LAMA2: variants seen among roughly 807,000 people sequenced by gnomAD.
The protein encoded by LAMA2 is laminin subunit alpha 2, also known as laminin subunit alpha-2.
A neutral mutation model predicts 364.8 loss-of-function variants in LAMA2; 269 were observed. That is an observed-to-expected ratio of 0.74 (90% CI 0.67 to 0.82). LAMA2 has a LOEUF of 0.82. Ranked by LOEUF, LAMA2 falls within the 40% of genes least tolerant of loss-of-function variation. The pLI is 0.00. For synonymous variants in LAMA2, 1,379 were observed against 1,370.6 expected (o/e 1.01, Z -0.14); for missense variants, 3,807 against 3,873.2 (o/e 0.98, Z 0.45).
intron 12 of LAMA2, among the ~76,000 whole-genome samples, chr6:129,211,610 T>C (rs1783105772): frequency 6.6e-6 from 1 of 152,240 alleles, no homozygotes; most frequent in African/African-American, 2.4e-5. Flanking sequence ...TCTCATGCTT[T>C]TCTTCTCACA....
intron 34 of LAMA2, among the ~76,000 whole-genome samples, chr6:129,371,361 C>T (rs917967519): frequency 6.6e-6 from 1 of 151,596 alleles, no homozygotes; most frequent in Non-Finnish European, 1.5e-5. Context: ...AAAATAAAGT[C>T]GGAAGAAATT....
chr6:129,465,265 ACT>A lies in LAMA2; in HGVS notation c.7279_7280del (p.Leu2427ValfsTer17), dbSNP rs398123385. 1.9e-6 allele frequency: 3 copies of A among 1,611,290 alleles called. No individual in the cohort carries two copies. The highest frequency in any genetic ancestry group is 1.7e-5 in the Admixed American group (1 of 59,792). ...NHNDGKWKSF[T>X]LSRIQKQANI... ...TAATGATGGGAAATGGAAATCATTC[ACT>A]CTGTCAAGAATTCAAAAACAAGGTG... On this transcript the variant is annotated frameshift_variant, in exon 51 of 65. Coordinates refer to ENST00000421865, the MANE Select transcript of LAMA2 (RefSeq NM_000426.4). LOFTEE classifies it high-confidence loss of function.
intron 4 of LAMA2, among the ~76,000 whole-genome samples, chr6:129,129,883 C>G (rs1777356727): frequency 7.0e-6 from 1 of 142,730 alleles, no homozygotes; most frequent in African/African-American, 2.6e-5. Context: ...GAGATCCCGC[C>G]ACTGCACTCC....
At chr6:129,298,016 A>C in intron 21 of LAMA2, 151 bp downstream of exon 21, 1 of 407,424 alleles carries the variant, frequency 2.5e-6, no homozygotes, top group East Asian at 6.1e-5. Context: ...TTACTTAAAA[A>C]ATGAAATACA....
At chr6:129,240,909 C>G (rs1785355418) in intron 12 of LAMA2, among the ~76,000 whole-genome samples, 2 of 152,166 alleles carry the variant, frequency 1.3e-5, no homozygotes. Context: ...TCTCCTTCAA[C>G]TGCAGATCAA....
chr6:129,493,164 A>T (rs1353550484), intron 58 of LAMA2, among the ~76,000 whole-genome samples: 1 of 152,214 alleles, frequency 6.6e-6, no homozygotes, highest in Non-Finnish European at 1.5e-5. Context: ...CCAAAAAATA[A>T]AAATAAATAA....
At chr6:128,921,325 T>A (rs1358790806) in intron 1 of LAMA2, among the ~76,000 whole-genome samples, 1 of 152,230 alleles carries the variant, frequency 6.6e-6, no homozygotes, top group African/African-American at 2.4e-5. Context: ...ATATCATTTC[T>A]AAGCTATTTT....
At chr6:128,973,103 T>C (rs936072100) in intron 1 of LAMA2, among the ~76,000 whole-genome samples, 3 of 152,220 alleles carry the variant, frequency 2.0e-5, no homozygotes, top group Non-Finnish European at 4.4e-5. Flanking sequence ...AAAAAGTTCC[T>C]AAAATTGGTA....
intron 1 of LAMA2, among the ~76,000 whole-genome samples, chr6:128,968,244 C>T (rs1781973182): frequency 6.6e-6 from 1 of 152,140 alleles, no homozygotes; most frequent in African/African-American, 2.4e-5. Context: ...GGGAATATGG[C>T]TTGATAAACC....
At chr6:129,143,291 T>C (rs1778236427) in intron 4 of LAMA2, among the ~76,000 whole-genome samples, 2 of 151,954 alleles carry the variant, frequency 1.3e-5, no homozygotes, top group Non-Finnish European at 2.9e-5. Context: ...ACATTCTTGA[T>C]GAATTTTTAT....
chr6:128,975,734 C>T (rs777114025), intron 1 of LAMA2, among the ~76,000 whole-genome samples: 11 of 152,174 alleles, frequency 7.2e-5, no homozygotes, highest in Admixed American at 1.3e-4. Flanking sequence ...TGCCCTCTTG[C>T]CTGCCACCAT....
chr6:128,930,063 C>T (rs1349803680), intron 1 of LAMA2: 1 of 364,060 alleles, frequency 2.7e-6, no homozygotes, highest in African/African-American at 2.2e-5. Flanking sequence ...CCCTGCAGGG[C>T]CGGCCGGCAG....
At chr6:129,289,376 C>T (rs146258108) in intron 19 of LAMA2, among the ~76,000 whole-genome samples, 1 of 152,232 alleles carries the variant, frequency 6.6e-6, no homozygotes, top group African/African-American at 2.4e-5. Flanking sequence ...CAAAGAGAGT[C>T]ATGAATTTTC....
chr6:129,134,395 C>T (rs954589151), intron 4 of LAMA2, among the ~76,000 whole-genome samples: 3 of 152,192 alleles, frequency 2.0e-5, no homozygotes, highest in Admixed American at 6.5e-5. Flanking sequence ...TACTTAAGTA[C>T]TAAACCTATC....
At chr6:129,316,258 G>A in intron 27 of LAMA2, 87 bp downstream of exon 27, 1 of 1,113,826 alleles carries the variant, frequency 9.0e-7, no homozygotes, top group Non-Finnish European at 1.3e-6. Context: ...AAGAAAGATT[G>A]GAAAGTGATT....
intron 3 of LAMA2, among the ~76,000 whole-genome samples, chr6:129,083,615 A>G (rs1311626886): frequency 6.6e-6 from 1 of 152,216 alleles, no homozygotes; most frequent in African/African-American, 2.4e-5. Context: ...TGAAGACCCA[A>G]GCTGACTTTA....
At position 129,424,830 on chromosome 6, in the gene LAMA2, A is replaced by C. The variant is rs138457675; in HGVS notation, c.5866-2922A>C. ...TAAAAACGTAAACATAAATTACCAT[A>C]TGATCCAGCCATTCTGCTTCTGTGT... On this transcript the variant is annotated intron_variant, in intron 40 of 64. Coordinates refer to ENST00000421865, the MANE Select transcript of LAMA2 (RefSeq NM_000426.4). Among the ~76,000 whole-genome samples, 135 of 152,120 alleles carry C rather than the reference A, an allele frequency of 8.9e-4. No individual in the cohort carries two copies. The East Asian group carries it at 0.012, about 13-fold the overall frequency.
At chr6:129,293,598 T>C (rs539501090) in intron 20 of LAMA2, among the ~76,000 whole-genome samples, 149 of 152,232 alleles carry the variant, frequency 9.8e-4, no homozygotes, top group African/African-American at 3.4e-3. Context: ...ACGGGGAAAG[T>C]TGTTTCTAAT....
intron 40 of LAMA2, among the ~76,000 whole-genome samples, chr6:129,408,871 C>A (rs1780383308): frequency 6.6e-6 from 1 of 152,236 alleles, no homozygotes; most frequent in South Asian, 2.1e-4. Context: ...GTCATCCTAT[C>A]CACTTGATTA....
Sources: gnomAD v4.1 joint callset for allele counts (sites outside exome capture counted in the v4.1 genomes callset) on GRCh38, gnomAD v4.1.1 for gene constraint, MANE v1.5 for transcripts, NCBI Gene and HGNC (gene_info 2026-07-23, HGNC 2026-07-21) for gene names.